Variants in ELAVL4 observed in about 807,000 individuals in gnomAD.
ELAVL4 encodes the protein ELAV like RNA binding protein 4, also known as ELAV-like protein 4.
ELAVL4 carries 1 observed loss-of-function variant against 35.6 expected under a neutral mutation model. That is an observed-to-expected ratio of 0.03 (90% CI 0.01 to 0.13). The LOEUF is 0.13. ELAVL4 is among the 10% of genes least tolerant of loss of function. The pLI, the probability that ELAVL4 is intolerant of heterozygous loss-of-function variation, is 1.00. For synonymous variants in ELAVL4, 156 were observed against 171.0 expected, an observed-to-expected ratio of 0.91 and a Z score of 0.69; for missense variants, 267 against 464.9, an observed-to-expected ratio of 0.57 and a Z score of 3.91.
chr1:50,099,327 G>A (rs540244200), upstream of ELAVL4, among the ~76,000 whole-genome samples: 14 of 152,126 alleles, frequency 9.2e-5, no homozygotes, highest in African/African-American at 2.4e-4. Flanking sequence ...TTGGGAGGCC[G>A]AGGCAGGTGG....
At chr1:50,060,997 C>G (rs1273032707) in intron 1 of ELAVL4, among the ~76,000 whole-genome samples, 8 of 152,158 alleles carry the variant, frequency 5.3e-5, no homozygotes, top group Non-Finnish European at 1.5e-5. Flanking sequence ...TTTAAAAAAT[C>G]AAAGCTTTGA....
At chr1:50,200,762 T>A in intron 6 of ELAVL4, 89 bp from the exon 7 acceptor site, 1 of 1,552,900 alleles carries the variant, frequency 6.4e-7, no homozygotes, top group Non-Finnish European at 8.7e-7. Context: ...CACTCAGCCC[T>A]CTGCCCCATG....
intron 2 of ELAVL4, among the ~76,000 whole-genome samples, chr1:50,151,380 G>A (rs1166287310): frequency 6.6e-6 from 1 of 152,184 alleles, no homozygotes; most frequent in East Asian, 1.9e-4. Context: ...ACAGGTCACT[G>A]CTTAGCTAAA....
At chr1:50,182,463 GA>G (rs1681197534) in intron 3 of ELAVL4, among the ~76,000 whole-genome samples, 1 of 152,148 alleles carries the variant, frequency 6.6e-6, no homozygotes, top group Non-Finnish European at 1.5e-5. Flanking sequence ...TCTCATGGGG[GA>G]CACAGACATG....
intron 1 of ELAVL4, among the ~76,000 whole-genome samples, chr1:50,055,209 G>T (rs985814730): frequency 2.0e-5 from 3 of 152,124 alleles, no homozygotes; most frequent in Admixed American, 2.0e-4. Context: ...TAGATATCCA[G>T]TAAATGACAA....
chr1:50,063,346 G>A (rs569528867), intron 1 of ELAVL4, among the ~76,000 whole-genome samples: 3 of 151,934 alleles, frequency 2.0e-5, no homozygotes, highest in South Asian at 2.1e-4. Context: ...CTTTTCTTCC[G>A]ATGACTCTTC....
upstream of ELAVL4, among the ~76,000 whole-genome samples, chr1:50,099,577 A>AG (rs571795526): frequency 1.8e-4 from 27 of 151,440 alleles, no homozygotes; most frequent in African/African-American, 5.8e-4. Flanking sequence ...AAAAAAAAAA[A>AG]AAAGAAAGAA....
Position 50,097,008 on chromosome 1 carries a change from G to C in ELAVL4, c.19-47949G>C, listed in dbSNP as rs141499227. On this transcript the variant is annotated intron_variant, in intron 1 of 6. Coordinates refer to the ELAVL4 transcript ENST00000448907. ...AGGCAGGAGGATCGCTTGAGCCCAGGAGTTTGAGACCAACCTGGGCAACAT... is the reference window on the plus strand; with the variant it reads ...AGGCAGGAGGATCGCTTGAGCCCAGCAGTTTGAGACCAACCTGGGCAACAT... 2.7e-3 allele frequency among the ~76,000 whole-genome samples: 415 copies of C among 152,284 alleles called. 6 individuals are homozygous for C. The highest frequency in any genetic ancestry group is 9.6e-3 in the African/African-American group (397 of 41,558).
chr1:50,197,787 G>A (rs1030913388), intron 6 of ELAVL4, among the ~76,000 whole-genome samples: 1 of 152,256 alleles, frequency 6.6e-6, no homozygotes, highest in African/African-American at 2.4e-5. Flanking sequence ...CCGACTCTTT[G>A]CTGGCTGGTT....
At chr1:50,138,793 G>A (rs1393053702) in intron 1 of ELAVL4, among the ~76,000 whole-genome samples, 1 of 152,088 alleles carries the variant, frequency 6.6e-6, no homozygotes, top group African/African-American at 2.4e-5. Flanking sequence ...ATCTGCATTT[G>A]ACATAGAGAT....
intron 1 of ELAVL4, among the ~76,000 whole-genome samples, chr1:50,055,581 G>C (rs143593999): frequency 0.026 from 3,998 of 152,122 alleles, 63 homozygotes; most frequent in Admixed American, 0.038. Flanking sequence ...TTACAGGCGT[G>C]AGCCACCATG....
At chr1:50,155,172 C>A (rs534580302) in intron 2 of ELAVL4, among the ~76,000 whole-genome samples, 2 of 105,672 alleles carry the variant, frequency 1.9e-5, no homozygotes, top group Non-Finnish European at 3.6e-5. Flanking sequence ...ATCCCTCCCC[C>A]CTCCCCCCAC....
chr1:50,169,727 T>G (rs1430616292), intron 2 of ELAVL4, among the ~76,000 whole-genome samples: 1 of 152,190 alleles, frequency 6.6e-6, no homozygotes, highest in Admixed American at 6.5e-5. Context: ...CTATCAAAAC[T>G]CTGCTTTATC....
intron 3 of ELAVL4, chr1:50,179,918 A>G (rs1203270523): frequency 6.6e-6 from 1 of 152,226 alleles, no homozygotes; most frequent in Non-Finnish European, 1.5e-5. Context: ...GAAGACAGCT[A>G]TTCTGCTGCT....
At chr1:50,190,469 C>T (rs74548871) in intron 3 of ELAVL4, among the ~76,000 whole-genome samples, 3,245 of 152,252 alleles carry the variant, frequency 0.021, 117 homozygotes, top group African/African-American at 0.072. Flanking sequence ...TTTATCCATA[C>T]GCCACAGGTT....
chr1:50,071,292 C>A (rs1664503682), intron 1 of ELAVL4, among the ~76,000 whole-genome samples: 1 of 152,186 alleles, frequency 6.6e-6, no homozygotes, highest in Non-Finnish European at 1.5e-5. Flanking sequence ...TCTATGAGGG[C>A]AAGGATTTTG....
At chr1:50,199,274 C>T (rs1170125298) in intron 6 of ELAVL4, among the ~76,000 whole-genome samples, 1 of 152,188 alleles carries the variant, frequency 6.6e-6, no homozygotes, top group Non-Finnish European at 1.5e-5. Flanking sequence ...TTTCAAATCT[C>T]CAAGAATATT....
chr1:50,125,401 C>A (rs1669735644), intron 1 of ELAVL4, among the ~76,000 whole-genome samples: 1 of 151,936 alleles, frequency 6.6e-6, no homozygotes. Context: ...CAGCCAGTGC[C>A]TTGCTTCTGC....
At chr1:50,106,629 T>C (rs1159096558), upstream of ELAVL4, among the ~76,000 whole-genome samples, 1 of 152,162 alleles carries the variant, frequency 6.6e-6, no homozygotes, top group African/African-American at 2.4e-5. Context: ...CTCTGAAAGA[T>C]GAATTGTACT....
Sources: gnomAD v4.1 joint callset for allele counts (sites outside exome capture counted in the v4.1 genomes callset) on GRCh38, gnomAD v4.1.1 for gene constraint, MANE v1.5 for transcripts, NCBI Gene and HGNC (gene_info 2026-07-23, HGNC 2026-07-21) for gene names.